The following CPB2 variants were observed in gnomAD, a reference collection of about 807,000 sequenced individuals.
The protein encoded by CPB2 is carboxypeptidase B2, also known as carboxypeptidase B-like protein.
A neutral mutation model predicts 57.0 loss-of-function variants in CPB2; 54 were observed. The ratio of observed to expected loss-of-function variants is 0.95; its 90% CI spans 0.76 to 1.19. The LOEUF is 1.19. Ranked by LOEUF, CPB2 falls within the 50% of genes most tolerant of loss-of-function variation. The pLI, the probability that CPB2 is intolerant of heterozygous loss-of-function variation, is 0.00. For synonymous variants in CPB2, 189 were observed against 178.1 expected, an observed-to-expected ratio of 1.06 and a Z score of -0.49; for missense variants, 426 against 512.0, an observed-to-expected ratio of 0.83 and a Z score of 1.62.
At chr13:46,089,384 C>T (rs1039836347) in intron 1 of CPB2, among the ~76,000 whole-genome samples, 15 of 152,062 alleles carry the variant, frequency 9.9e-5, no homozygotes, top group African/African-American at 2.9e-4. Flanking sequence ...AATGGGAATG[C>T]GTGGGAGTGT....
chr13:46,062,704 C>T (rs1381799070), intron 8 of CPB2, among the ~76,000 whole-genome samples: 1 of 152,068 alleles, frequency 6.6e-6, no homozygotes, highest in African/African-American at 2.4e-5. Flanking sequence ...CCTCCTTGTG[C>T]CAGGCACTGC....
At chr13:46,092,217 G>A (rs2045303560) in intron 1 of CPB2, among the ~76,000 whole-genome samples, 1 of 152,230 alleles carries the variant, frequency 6.6e-6, no homozygotes, top group South Asian at 2.1e-4. Context: ...TGGACAAAAT[G>A]TATGGAACAA....
At chr13:46,059,769 G>A (rs1424790506) in intron 8 of CPB2, among the ~76,000 whole-genome samples, 1 of 152,144 alleles carries the variant, frequency 6.6e-6, no homozygotes, top group Non-Finnish European at 1.5e-5. Flanking sequence ...CCATGGCTGA[G>A]GCTACTCACT....
chr13:46,081,005 T>C (rs988972570), intron 4 of CPB2, among the ~76,000 whole-genome samples: 1 of 138,348 alleles, frequency 7.2e-6, no homozygotes, highest in Non-Finnish European at 1.5e-5. Flanking sequence ...AGAAAAGGCA[T>C]ATGAGGAAGA....
At chr13:46,079,951 T>C (rs1300060921) in intron 4 of CPB2, among the ~76,000 whole-genome samples, 1 of 152,166 alleles carries the variant, frequency 6.6e-6, no homozygotes, top group Non-Finnish European at 1.5e-5. Context: ...GAAATGTAAC[T>C]GTCAGCAATT....
intron 1 of CPB2, among the ~76,000 whole-genome samples, chr13:46,097,642 C>A (rs1447263104): frequency 6.6e-6 from 1 of 152,164 alleles, no homozygotes; most frequent in Non-Finnish European, 1.5e-5. Context: ...TGCTGCTATC[C>A]TGTTACTGAA....
chr13:46,053,521 C>T lies in CPB2; in HGVS notation c.*93G>A. 3.3e-6 allele frequency: 5 copies of T among 1,510,250 alleles called. No homozygotes were observed. Among genetic ancestry groups the T allele is most frequent in the Non-Finnish European group, 4.4e-6 (5 of 1,125,984 alleles). The allele number at this position is 1,510,250 out of a possible 1,614,324, so 93.6% of individuals were successfully genotyped here. On this transcript the variant is annotated 3_prime_UTR_variant, in exon 11 of 11. Coordinates refer to ENST00000181383, the MANE Select transcript of CPB2 (RefSeq NM_001872.5). ...ATAGGAAAATCTTTTATCAAAACTA[C>T]GGATAAAACTTAAAAATAATTTGAT...
chr13:46,090,552 C>G lies in CPB2; in HGVS notation c.75-2732G>C, dbSNP rs534904147. Among the ~76,000 whole-genome samples, 5 of 151,144 alleles carry G rather than the reference C, an allele frequency of 3.3e-5. No homozygotes were observed. The South Asian group carries it at 1.0e-3, about 32-fold the overall frequency. On this transcript the variant is annotated intron_variant, in intron 1 of 10. Coordinates refer to ENST00000181383, the MANE Select transcript of CPB2 (RefSeq NM_001872.5). The stretch of plus-strand genomic sequence containing the variant: ...TAATTTTTGTATTTTTTAGTAGAGA[C>G]GTGGTTTCACCATGTTAGTCAGGCT...
At position 46,064,751 on chromosome 13, in the gene CPB2, C is replaced by CAA. The variant is rs780530331; in HGVS notation, c.703-12_703-11dup. On this transcript the variant is annotated splice_polypyrimidine_tract_variant and intron_variant, in intron 7 of 10. Coordinates refer to ENST00000181383, the MANE Select transcript of CPB2 (RefSeq NM_001872.5). The stretch of plus-strand genomic sequence containing the variant: ...TTCTCCACATTCGATTCTACATAAA[C>CAA]AAAATACAAACAGACAACCTGGGTA... 42 of 1,611,768 alleles carry CAA rather than the reference C, an allele frequency of 2.6e-5. No individual in the cohort carries two copies. Among genetic ancestry groups the CAA allele is most frequent in the Non-Finnish European group, 3.6e-5 (42 of 1,178,034 alleles).
At chr13:46,062,129 G>A (rs2044784224) in intron 8 of CPB2, among the ~76,000 whole-genome samples, 1 of 151,326 alleles carries the variant, frequency 6.6e-6, no homozygotes, top group Admixed American at 6.6e-5. Flanking sequence ...CCCAAGAGGG[G>A]ACTGAGACAT....
At chr13:46,063,292 GT>G (rs1282003393) in intron 8 of CPB2, among the ~76,000 whole-genome samples, 1 of 151,998 alleles carries the variant, frequency 6.6e-6, no homozygotes, top group African/African-American at 2.4e-5. Context: ...TACCACTTAG[GT>G]ACTTTTTCAA....
chr13:46,084,109 T>G (rs1447763432), intron 3 of CPB2, 110 bp downstream of exon 3: 1 of 1,319,074 alleles, frequency 7.6e-7, no homozygotes, highest in East Asian at 2.3e-5. Flanking sequence ...ACTTCTATGC[T>G]GCCATGGTTA....
intron 5 of CPB2, among the ~76,000 whole-genome samples, chr13:46,077,491 T>C (rs4942476): frequency 1.3e-5 from 2 of 151,912 alleles, no homozygotes; most frequent in Non-Finnish European, 2.9e-5. Flanking sequence ...GTAAATTAGT[T>C]CAGCCACTAT....
chr13:46,098,172 G>A (rs952786202), intron 1 of CPB2, among the ~76,000 whole-genome samples: 3 of 152,134 alleles, frequency 2.0e-5, no homozygotes, highest in Non-Finnish European at 4.4e-5. Context: ...GGCCCAAGAG[G>A]GCCCAGTGAT....
At chr13:46,067,261 T>C (rs768583462) in intron 7 of CPB2, 46 bp downstream of exon 7, 4 of 968,694 alleles carry the variant, frequency 4.1e-6, no homozygotes, top group Non-Finnish European at 6.7e-6. Context: ...GTATATCCTA[T>C]ATCCCCAAGG....
At chr13:46,102,000 G>A (rs2045440177) in intron 1 of CPB2, among the ~76,000 whole-genome samples, 1 of 152,220 alleles carries the variant, frequency 6.6e-6, no homozygotes. Flanking sequence ...CTGCAATTTT[G>A]TTGCACACAT....
chr13:46,103,110 C>T (rs1010849958), intron 1 of CPB2, among the ~76,000 whole-genome samples: 4 of 152,140 alleles, frequency 2.6e-5, no homozygotes, highest in African/African-American at 4.8e-5. Context: ...CTGCTATACA[C>T]GTACTCATTT....
intron 2 of CPB2, among the ~76,000 whole-genome samples, chr13:46,085,941 G>A (rs2045196806): frequency 6.6e-6 from 1 of 152,198 alleles, no homozygotes; most frequent in Non-Finnish European, 1.5e-5. Flanking sequence ...GAGCTGAGCG[G>A]TGAGGGGTGT....
intron 1 of CPB2, among the ~76,000 whole-genome samples, chr13:46,088,184 A>G (rs2045239244): frequency 6.6e-6 from 1 of 152,200 alleles, no homozygotes; most frequent in Non-Finnish European, 1.5e-5. Context: ...CTGTGAACCC[A>G]TCACCCCACT....
Sources: gnomAD v4.1 joint callset for allele counts (sites outside exome capture counted in the v4.1 genomes callset) on GRCh38, gnomAD v4.1.1 for gene constraint, MANE v1.5 for transcripts, NCBI Gene and HGNC (gene_info 2026-07-23, HGNC 2026-07-21) for gene names.